The following SLC8A1 variants were observed in gnomAD, a reference collection of about 807,000 sequenced individuals.
SLC8A1 encodes the protein solute carrier family 8 member A1.
SLC8A1 carries 18 observed loss-of-function variants against 68.3 expected under a neutral mutation model. That is an observed-to-expected ratio of 0.26 (90% CI 0.18 to 0.39). The LOEUF (loss-of-function observed/expected upper bound fraction) is 0.39. Among genes scored for constraint, SLC8A1 ranks in the 10% least tolerant of loss-of-function variants. SLC8A1 has a pLI of 1.00. For missense variants in SLC8A1, 985 were observed against 1,156.7 expected, an observed-to-expected ratio of 0.85 and a Z score of 2.15; for synonymous variants, 475 against 415.5, an observed-to-expected ratio of 1.14 and a Z score of -1.74.
chr2:40,280,582 G>A lies in SLC8A1; in HGVS notation c.1809-102727C>T, dbSNP rs939226297. Among the ~76,000 whole-genome samples the A allele has an allele frequency of 3.6e-4, 55 of 152,294 alleles. 1 individual carries two copies. Among genetic ancestry groups the A allele is most frequent in the South Asian group, 1.2e-3 (6 of 4,828 alleles). On this transcript the variant is annotated intron_variant, in intron 2 of 7. Transcript: ENST00000406785. The stretch of plus-strand genomic sequence containing the variant: ...CATTTATTAATCATTTTCTTTGAAA[G>A]CAGAGTGACATTCAGGCACTGGGAA...
intron 2 of SLC8A1, among the ~76,000 whole-genome samples, chr2:40,272,206 C>T (rs2066131822): frequency 2.6e-5 from 4 of 152,130 alleles, no homozygotes; most frequent in Admixed American, 2.0e-4. Context: ...TCTCATGTCT[C>T]TCCTTTGTTC....
At chr2:40,422,224 T>G (rs982052593) in intron 2 of SLC8A1, among the ~76,000 whole-genome samples, 2 of 152,198 alleles carry the variant, frequency 1.3e-5, no homozygotes, top group Non-Finnish European at 2.9e-5. Flanking sequence ...CTGAGTTTCA[T>G]GGCATTTATA....
intron 2 of SLC8A1, among the ~76,000 whole-genome samples, chr2:40,338,517 A>C (rs1666724876): frequency 6.6e-6 from 1 of 152,134 alleles, no homozygotes; most frequent in African/African-American, 2.4e-5. Flanking sequence ...CTGGCCCACA[A>C]ACCATGGTCT....
chr2:40,304,786 A>T (rs2072254850), intron 2 of SLC8A1, among the ~76,000 whole-genome samples: 1 of 152,148 alleles, frequency 6.6e-6, no homozygotes. Flanking sequence ...GAGATCCCCA[A>T]CGCTAGCTGT....
chr2:40,399,613 G>T (rs1021879300), intron 2 of SLC8A1, among the ~76,000 whole-genome samples: 2 of 152,096 alleles, frequency 1.3e-5, no homozygotes, highest in African/African-American at 4.8e-5. Flanking sequence ...CTCCCTAGGG[G>T]CCTTAAATTG....
intron 1 of SLC8A1, among the ~76,000 whole-genome samples, chr2:40,440,980 A>G (rs1026126829): frequency 3.3e-5 from 5 of 152,178 alleles, no homozygotes; most frequent in Non-Finnish European, 7.3e-5. Context: ...GAAAAGAGGA[A>G]GTCAGATTGT....
chr2:40,488,220 A>C (rs1705091714), intron 1 of SLC8A1, among the ~76,000 whole-genome samples: 1 of 126,488 alleles, frequency 7.9e-6, no homozygotes. Context: ...CACCTTCTGT[A>C]GACAGAAAAA....
intron 2 of SLC8A1, among the ~76,000 whole-genome samples, chr2:40,309,454 G>A (rs1192508292): frequency 2.0e-5 from 3 of 149,932 alleles, no homozygotes; most frequent in Non-Finnish European, 4.4e-5. Context: ...ATTCTCAAAT[G>A]TCTAAGCAGG....
chr2:40,369,792 T>C (rs1677440762), intron 2 of SLC8A1, among the ~76,000 whole-genome samples: 1 of 152,074 alleles, frequency 6.6e-6, no homozygotes, highest in Non-Finnish European at 1.5e-5. Context: ...TCATCTGTGG[T>C]TGGGCCTGAC....
intron 4 of SLC8A1, among the ~76,000 whole-genome samples, chr2:40,171,976 C>T (rs954400109): frequency 5.9e-5 from 9 of 152,178 alleles, no homozygotes; most frequent in Non-Finnish European, 7.4e-5. Context: ...GTGGATCAGA[C>T]GATTTTTTCA....
At chr2:40,243,339 A>G (rs899247061) in intron 2 of SLC8A1, among the ~76,000 whole-genome samples, 1 of 152,038 alleles carries the variant, frequency 6.6e-6, no homozygotes, top group Non-Finnish European at 1.5e-5. Flanking sequence ...AAATAAATAA[A>G]TAAACTGGGC....
chr2:40,291,331 C>G (rs2069275393), intron 2 of SLC8A1, among the ~76,000 whole-genome samples: 1 of 152,114 alleles, frequency 6.6e-6, no homozygotes, highest in South Asian at 2.1e-4. Context: ...GATGACACAG[C>G]TTTATAGCTG....
chr2:40,152,388 G>T (rs1344283699), intron 6 of SLC8A1, among the ~76,000 whole-genome samples: 3 of 152,060 alleles, frequency 2.0e-5, no homozygotes, highest in Non-Finnish European at 4.4e-5. Context: ...CGTGAGACTT[G>T]TAGTTTGGAT....
At chr2:40,254,630 G>A (rs551675170) in intron 2 of SLC8A1, 1 of 152,030 alleles carries the variant, frequency 6.6e-6, no homozygotes, top group Non-Finnish European at 1.5e-5. Flanking sequence ...AGAAAATTGT[G>A]AGTTTTAACC....
Position 40,462,590 on chromosome 2 carries a change from C to G in SLC8A1, c.-24-32286G>C, listed in dbSNP as rs148860840. On this transcript the variant is annotated intron_variant, in intron 1 of 7. Coordinates refer to the SLC8A1 transcript ENST00000402441. ...TTGGGAAGCCTGGGTGGGAGGATCG[C>G]TTAGCCCAGGAGTTCGAGACCAGCC... is the stretch of plus-strand genomic sequence containing the variant. Among the ~76,000 whole-genome samples the G allele has an allele frequency of 3.8e-3, 573 of 151,580 alleles. 3 individuals carry two copies. The highest frequency in any genetic ancestry group is 0.013 in the African/African-American group (549 of 41,308).
intron 2 of SLC8A1, among the ~76,000 whole-genome samples, chr2:40,315,824 G>C (rs2074368768): frequency 6.6e-6 from 1 of 151,952 alleles, no homozygotes; most frequent in Non-Finnish European, 1.5e-5. Context: ...TTGGCACATG[G>C]TGATAATGTA....
chr2:40,426,674 T>C (rs371856874), intron 2 of SLC8A1, among the ~76,000 whole-genome samples: 10 of 152,104 alleles, frequency 6.6e-5, no homozygotes, highest in African/African-American at 2.2e-4. Flanking sequence ...GAAAATATGC[T>C]TAGTCAAACA....
rs113402997 is a variant in SLC8A1, at chr2:40,418,048, T to C, written c.1808+10425A>G. Among the ~76,000 whole-genome samples the C allele has an allele frequency of 5.4e-3, 827 of 152,166 alleles. 15 individuals are homozygous for C. Among genetic ancestry groups the C allele is most frequent in the African/African-American group, 0.018 (758 of 41,556 alleles). ...AAAACCAGGTCGATTTAAAAGAATA[T>C]AGTTTACAATAGCTATAGAAGTCAT... On this transcript the variant is annotated intron_variant, in intron 2 of 7. Coordinates refer to ENST00000406785, the Ensembl canonical transcript of SLC8A1.
At chr2:40,177,790 A>G in exon 3 of SLC8A1, 4 of 1,551,262 alleles carry the variant, frequency 2.6e-6, no homozygotes, top group Non-Finnish European at 3.5e-6. Flanking sequence ...TTCCTCAAGC[A>G]CAAGGGAGAA....
Sources: gnomAD v4.1 joint callset for allele counts (sites outside exome capture counted in the v4.1 genomes callset) on GRCh38, gnomAD v4.1.1 for gene constraint, MANE v1.5 for transcripts, NCBI Gene and HGNC (gene_info 2026-07-23, HGNC 2026-07-21) for gene names.